TTF1: variants seen among roughly 807,000 people sequenced by gnomAD.
TTF1 encodes transcription termination factor, RNA polymerase I.
In TTF1, 64 loss-of-function variants were observed where a neutral mutation model predicts 80.2. The ratio of observed to expected loss-of-function variants is 0.80; its 90% CI spans 0.65 to 0.98. The LOEUF is 0.98. TTF1 is among the 50% of genes least tolerant of loss of function. The pLI, the probability that TTF1 is intolerant of heterozygous loss-of-function variation, is 0.00. For synonymous variants in TTF1, 372 were observed against 382.7 expected (o/e 0.97, Z 0.33); for missense variants, 1,023 against 1,086.2 (o/e 0.94, Z 0.82).
Position 132,402,469 on chromosome 9 carries a change from TG to T in TTF1, c.352del (p.His118IlefsTer13), listed in dbSNP as rs756348278. 1 of 1,614,212 alleles carries T rather than the reference TG, an allele frequency of 6.2e-7. No individual in the cohort carries two copies. The highest frequency in any genetic ancestry group is 2.2e-5 in the East Asian group (1 of 44,884). On this transcript the variant is annotated frameshift_variant, in exon 2 of 11. Transcript: ENST00000334270. LOFTEE classifies it high-confidence loss of function. ...DKENINNTPKHFRKDVDVVCV... is the reference protein window; with the variant it reads ...DKENINNTPKXFRKDVDVVCV... The stretch of plus-strand genomic sequence containing the variant: ...AACAACATCAACATCCTTTCTAAAA[TG>T]CTTTGGTGTGTTGTTAATATTTTCT...
chr9:132,387,074 C>T (rs767341042), intron 8 of TTF1, among the ~76,000 whole-genome samples: 57 of 152,142 alleles, frequency 3.7e-4, no homozygotes, highest in African/African-American at 1.2e-3. Flanking sequence ...TCTCCCACCT[C>T]AGCCTCTCAA....
chr9:132,392,216 A>C lies in TTF1; in HGVS notation c.1857-10T>G. The C allele has an allele frequency of 2.5e-6, 4 of 1,613,968 alleles. No homozygotes were observed. The highest frequency in any genetic ancestry group is 3.4e-6 in the Non-Finnish European group (4 of 1,179,888). ...ATCTCCTTCGCTATACCTAGGAGAA[A>C]GGGAAAATGTTTTACAAGTTTAAAC... On this transcript the variant is annotated splice_polypyrimidine_tract_variant and intron_variant, in intron 5 of 10. Coordinates refer to ENST00000334270, the MANE Select transcript of TTF1 (RefSeq NM_007344.4).
chr9:132,385,209 C>G (rs535273624), intron 9 of TTF1, among the ~76,000 whole-genome samples: 1 of 152,198 alleles, frequency 6.6e-6, no homozygotes, highest in South Asian at 2.1e-4. Flanking sequence ...CAGCCAGACC[C>G]CACACCAGAC....
chr9:132,404,186 A>G (rs1284633827), intron 1 of TTF1, among the ~76,000 whole-genome samples: 1 of 152,202 alleles, frequency 6.6e-6, no homozygotes, highest in African/African-American at 2.4e-5. Flanking sequence ...ACATCTATAT[A>G]TTGTGATCTG....
Position 132,378,461 on chromosome 9 carries a change from GGTGT to G in TTF1, c.2464+594_2464+597del, listed in dbSNP as rs1382607711. ...GAATGCATGTGGTGTGAGTGCATGT[GGTGT>G]GTGTGAGTGCATGTGGTGTGTGTGA... On this transcript the variant is annotated intron_variant, in intron 10 of 10. Transcript: ENST00000334270. Among the ~76,000 whole-genome samples the G allele has an allele frequency of 2.6e-4, 36 of 137,748 alleles. No homozygotes were observed. In the East Asian group the frequency reaches 3.8e-3, roughly 14 times the overall value. The allele number at this position is 137,748 out of a possible 152,430, so 90.4% of individuals were successfully genotyped here.
rs776367998 is a variant in TTF1, at chr9:132,379,074, T to G, written c.2449A>C (p.Lys817Gln). 32 of 1,608,318 alleles carry G rather than the reference T, an allele frequency of 2.0e-5. No individual in the cohort carries two copies. Among genetic ancestry groups the G allele is most frequent in the Non-Finnish European group, 2.7e-5 (32 of 1,178,292 alleles). The change falls in exon 10 of 11, where the codon AAA becomes CAA. Residue 817 changes from lysine to glutamine, a missense_variant. Lys to Gln is a moderately conservative substitution (Grantham distance 53, BLOSUM62 1). Coordinates refer to ENST00000334270, the MANE Select transcript of TTF1 (RefSeq NM_007344.4). Reference protein sequence around the residue: ...LKAVYVPFWQKKTFPEIIDYL... With the variant: ...LKAVYVPFWQQKTFPEIIDYL... ...GAATACTAACCTGGAAAAGTCTTTTTCTGCCAAAATGGAACATAGACAGCT... is the reference window on the plus strand; with the variant it reads ...GAATACTAACCTGGAAAAGTCTTTTGCTGCCAAAATGGAACATAGACAGCT...
chr9:132,379,560 G>C (rs898181024), intron 9 of TTF1, among the ~76,000 whole-genome samples: 1 of 152,126 alleles, frequency 6.6e-6, no homozygotes, highest in Non-Finnish European at 1.5e-5. Flanking sequence ...TCTCTCCCTC[G>C]TGCTGGAGAG....
rs192887719 is a variant in TTF1 at position 132,382,793 on chromosome 9, T to C, written c.2379-3649A>G. On this transcript the variant is annotated intron_variant, in intron 9 of 10. Coordinates refer to ENST00000334270, the MANE Select transcript of TTF1 (RefSeq NM_007344.4). Reference sequence around the variant, plus strand: ...AAAAAAAAAAAAAAAAAGTCAGGTGTGGTGGCTCACGCCTGTAATCTCAGC... The same window carrying C: ...AAAAAAAAAAAAAAAAAGTCAGGTGCGGTGGCTCACGCCTGTAATCTCAGC... 8.0e-3 allele frequency among the ~76,000 whole-genome samples: 1,150 copies of C among 143,992 alleles called. 15 individuals carry two copies. The highest frequency in any genetic ancestry group is 0.028 in the African/African-American group (1,082 of 38,646). 94.5% of individuals were successfully genotyped at this position (143,992 alleles called of 152,430 possible).
At chr9:132,402,955 A>T (rs1849796665) in intron 1 of TTF1, 127 bp from the exon 2 acceptor site, 2 of 930,238 alleles carry the variant, frequency 2.1e-6, no homozygotes, top group Middle Eastern at 3.5e-4. Context: ...TCCTGGGCTC[A>T]TGCCATTTTC....
rs187685855 is a variant in TTF1 at position 132,375,949 on chromosome 9, C to T, written c.2684G>A (p.Ser895Asn). Residue 895 changes from serine to asparagine, a missense_variant, in exon 11 of 11, where the codon AGT becomes AAT. By Grantham distance (46) the Ser-to-Asn change is conservative (BLOSUM62 1). Coordinates refer to ENST00000334270, the MANE Select transcript of TTF1 (RefSeq NM_007344.4). ...APCMAHACNS[S>N]TLGGQGRWII is the part of the protein sequence containing the mutation. The stretch of plus-strand genomic sequence containing the variant: ...CCACCGGCCTTGGCCTCCCAAAGTA[C>T]TGGAATTACAGGCGTGAGCCATGCA... 49 of 1,607,950 alleles carry T rather than the reference C, an allele frequency of 3.0e-5. No homozygotes were observed. The East Asian group carries it at 6.7e-4, about 22-fold the overall frequency.
intron 10 of TTF1, among the ~76,000 whole-genome samples, chr9:132,377,723 TGTGTGAGTGCATGTG>T (rs1189744609): frequency 4.4e-4 from 45 of 102,764 alleles, no homozygotes; most frequent in African/African-American, 1.3e-3. Flanking sequence ...AGTGCATGTG[TGTGTGAGTGCATGTG>T]GTGTGAGTGC....
intron 10 of TTF1, among the ~76,000 whole-genome samples, chr9:132,377,575 TGTG>T (rs1469248568): frequency 1.4e-4 from 4 of 28,502 alleles, no homozygotes; most frequent in Admixed American, 1.0e-3. Context: ...GGTGAGTGCA[TGTG>T]GTGTGTGTGA....
chr9:132,390,755 C>T lies in TTF1; in HGVS notation c.2064G>A (p.Lys688=). Residue 688 remains lysine, a synonymous_variant, in exon 7 of 11, where the codon AAG becomes AAA. Coordinates refer to ENST00000334270, the MANE Select transcript of TTF1 (RefSeq NM_007344.4). ...CCTCTTTTAACTCCTGGGGAGACAT[C>T]TTCTTCAGAATCACTTCTTCGACAG... The part of the protein sequence containing the change: ...IKAVEEVILK[K]MSPQELKEVD... The T allele has an allele frequency of 6.2e-7, 1 of 1,614,218 alleles. No individual in the cohort carries two copies. The highest frequency in any genetic ancestry group is 1.1e-5 in the South Asian group (1 of 91,088).
At chr9:132,399,112 C>T (rs1344933434) in intron 3 of TTF1, among the ~76,000 whole-genome samples, 2 of 150,562 alleles carry the variant, frequency 1.3e-5, no homozygotes, top group African/African-American at 2.4e-5. Context: ...GGTGGGAGAA[C>T]CACTTGAACC....
chr9:132,379,557 C>G (rs998910471), intron 9 of TTF1, among the ~76,000 whole-genome samples: 1 of 152,230 alleles, frequency 6.6e-6, no homozygotes, highest in Non-Finnish European at 1.5e-5. Flanking sequence ...CACTCTCTCC[C>G]TCGTGCTGGA....
chr9:132,383,570 CG>C (rs918994990), intron 9 of TTF1, among the ~76,000 whole-genome samples: 1 of 151,980 alleles, frequency 6.6e-6, no homozygotes, highest in Admixed American at 6.6e-5. Context: ...AAAGGGGATG[CG>C]GGGTTCTTTC....
chr9:132,396,512 C>T lies in TTF1; in HGVS notation c.1778-1G>A. On this transcript the variant is annotated splice_acceptor_variant, in intron 4 of 10. Coordinates refer to ENST00000334270, the MANE Select transcript of TTF1 (RefSeq NM_007344.4). LOFTEE classifies it high-confidence loss of function. ...TTCCAGGGCCGGGCAATGTTCCTAC[C>T]TAAAGTCAGAAGAAAGGTGATCAGA... 1.9e-6 allele frequency: 3 copies of T among 1,614,048 alleles called. No homozygotes were observed. Among genetic ancestry groups the T allele is most frequent in the Non-Finnish European group, 2.5e-6 (3 of 1,179,956 alleles).
chr9:132,377,295 ATGCATGTGGTGTGAG>A (rs1461504168), intron 10 of TTF1, among the ~76,000 whole-genome samples: 1 of 92,184 alleles, frequency 1.1e-5, no homozygotes, highest in East Asian at 3.4e-4. Flanking sequence ...GTGCATGTGA[ATGCATGTGGTGTGAG>A]TGCATGTGGT....
intron 9 of TTF1, among the ~76,000 whole-genome samples, chr9:132,385,293 T>C (rs1051704763): frequency 6.6e-6 from 1 of 152,176 alleles, no homozygotes; most frequent in Non-Finnish European, 1.5e-5. Flanking sequence ...TTTTTAAAAG[T>C]TCCCCAGATG....
Sources: gnomAD v4.1 joint callset for allele counts (sites outside exome capture counted in the v4.1 genomes callset) on GRCh38, gnomAD v4.1.1 for gene constraint, MANE v1.5 for transcripts, NCBI Gene and HGNC (gene_info 2026-07-23, HGNC 2026-07-21) for gene names.